The following PRUNE2 variants were observed in gnomAD, a reference collection of about 807,000 sequenced individuals.
PRUNE2 encodes prune homolog 2 with BCH domain.
PRUNE2 carries 164 observed loss-of-function variants against 252.0 expected under a neutral mutation model. The ratio of observed to expected loss-of-function variants is 0.65; its 90% CI spans 0.57 to 0.74. The LOEUF (loss-of-function observed/expected upper bound fraction) is 0.74, where lower values mean the gene tolerates loss of function less well. Ranked by LOEUF, PRUNE2 falls within the 30% of genes least tolerant of loss-of-function variation. The pLI, the probability that PRUNE2 is intolerant of heterozygous loss-of-function variation, is 0.00. For synonymous variants in PRUNE2, 1,292 were observed against 1,350.2 expected (o/e 0.96, Z 0.94); for missense variants, 3,495 against 3,711.0 (o/e 0.94, Z 1.51).
At chr9:76,819,115 G>C (rs1424859981) in intron 6 of PRUNE2, among the ~76,000 whole-genome samples, 1 of 152,068 alleles carries the variant, frequency 6.6e-6, no homozygotes, top group African/African-American at 2.4e-5. Context: ...GCTAGGTGTG[G>C]TGTGCACACC....
At chr9:76,886,480 C>A (rs985265994) in intron 1 of PRUNE2, among the ~76,000 whole-genome samples, 2 of 152,206 alleles carry the variant, frequency 1.3e-5, no homozygotes, top group East Asian at 3.9e-4. Context: ...CAGTAACCTG[C>A]ATAGCTTTAC....
intron 6 of PRUNE2, among the ~76,000 whole-genome samples, chr9:76,813,984 T>C (rs1259566662): frequency 1.3e-5 from 2 of 152,100 alleles, no homozygotes; most frequent in Non-Finnish European, 2.9e-5. Flanking sequence ...ACCTGGCTAA[T>C]TGTATTTTTA....
intron 4 of PRUNE2, among the ~76,000 whole-genome samples, chr9:76,829,865 T>C (rs992441751): frequency 2.6e-5 from 4 of 152,096 alleles, no homozygotes; most frequent in Non-Finnish European, 5.9e-5. Flanking sequence ...ACATTTTTCA[T>C]ATACACTATT....
chr9:76,817,482 G>A (rs1418319358), intron 6 of PRUNE2, among the ~76,000 whole-genome samples: 2 of 152,090 alleles, frequency 1.3e-5, no homozygotes, highest in African/African-American at 2.4e-5. Flanking sequence ...CCATGTGACT[G>A]AGCCAATGAA....
chr9:76,657,197 A>T (rs528040235), intron 9 of PRUNE2, among the ~76,000 whole-genome samples: 8 of 152,370 alleles, frequency 5.3e-5, no homozygotes, highest in African/African-American at 1.9e-4. Context: ...CGTACCTGTC[A>T]AGTAGCAAAA....
At chr9:76,879,413 A>G (rs144899536) in intron 1 of PRUNE2, among the ~76,000 whole-genome samples, 52 of 152,334 alleles carry the variant, frequency 3.4e-4, no homozygotes, top group African/African-American at 1.2e-3. Flanking sequence ...TTTACTCAAC[A>G]TCAGTGAACA....
At position 76,709,443 on chromosome 9, in the gene PRUNE2, T is replaced by C. The variant is rs200027117; in HGVS notation, c.2831A>G (p.Tyr944Cys). ...GGATGCACTGTAATCAGAACATTTGTAAGATAAGAAGGAATCTTCCCAAGG... is the reference window on the plus strand; with the variant it reads ...GGATGCACTGTAATCAGAACATTTGCAAGATAAGAAGGAATCTTCCCAAGG... ...LVPWEDSFLS[Y>C]KCSDYSASNL... is the part of the protein sequence containing the mutation. The change falls in exon 8 of 19, where the codon TAC (tyrosine) becomes TGC (cysteine). Residue 944 changes from tyrosine (Y) to cysteine (C), a missense_variant. Physicochemically the swap from Tyr to Cys is radical, Grantham distance 194. Coordinates refer to ENST00000376718, the MANE Select transcript of PRUNE2 (RefSeq NM_015225.3). 1 of 1,613,982 alleles carries C rather than the reference T, an allele frequency of 6.2e-7. No homozygotes were observed. The highest frequency in any genetic ancestry group is 1.3e-5 in the African/African-American group (1 of 75,064).
intron 5 of PRUNE2, among the ~76,000 whole-genome samples, chr9:76,826,240 G>A (rs574797573): frequency 5.3e-5 from 8 of 152,246 alleles, no homozygotes; most frequent in Non-Finnish European, 8.8e-5. Flanking sequence ...TTGGGAGGCC[G>A]ATGCAGGTGG....
Position 76,710,794 on chromosome 9 carries a change from A to C in PRUNE2, c.1480T>G (p.Phe494Val). ...GCCATGGGTGCTGGGTCAAAATTGA[A>C]GAGGTCGAAGTGCTCACCGTGTTCT... ...SGEHGEHFDL[F>V]NFDPAPMASG... The change falls in exon 8 of 19, where the codon TTC (phenylalanine) becomes GTC (valine). Residue 494 changes from phenylalanine to valine, a missense_variant. Coordinates refer to ENST00000376718, the MANE Select transcript of PRUNE2 (RefSeq NM_015225.3). The C allele has an allele frequency of 6.3e-7, 1 of 1,585,480 alleles. No individual in the cohort carries two copies. Among genetic ancestry groups the C allele is most frequent in the East Asian group, 2.2e-5 (1 of 44,716 alleles).
chr9:76,799,113 G>T (rs982475094), intron 6 of PRUNE2, among the ~76,000 whole-genome samples: 1 of 152,144 alleles, frequency 6.6e-6, no homozygotes, highest in Non-Finnish European at 1.5e-5. Flanking sequence ...GGCCGAGGTG[G>T]GTGAATCGCC....
chr9:76,726,934 T>C (rs1279628201), intron 6 of PRUNE2, among the ~76,000 whole-genome samples: 2 of 152,236 alleles, frequency 1.3e-5, no homozygotes, highest in Non-Finnish European at 1.5e-5. Flanking sequence ...AATTTAATTG[T>C]CATTATTTTA....
intron 17 of PRUNE2, among the ~76,000 whole-genome samples, chr9:76,623,586 T>C (rs1057217842): frequency 2.0e-5 from 3 of 152,142 alleles, no homozygotes; most frequent in African/African-American, 4.8e-5. Flanking sequence ...TGACTTTCTA[T>C]TGGTTGGGCT....
intron 1 of PRUNE2, among the ~76,000 whole-genome samples, chr9:76,878,756 A>G (rs2061599884): frequency 6.6e-6 from 1 of 151,418 alleles, no homozygotes; most frequent in Admixed American, 6.6e-5. Context: ...TGTCCTGACA[A>G]CCCCCACCTA....
intron 3 of PRUNE2, among the ~76,000 whole-genome samples, chr9:76,847,329 G>GAA (rs767360854): frequency 2.3e-5 from 3 of 128,748 alleles, no homozygotes; most frequent in Non-Finnish European, 3.3e-5. Context: ...CTGTCTCAGG[G>GAA]AAAAAAAAAA....
chr9:76,710,171 A>G lies in PRUNE2; in HGVS notation c.2103T>C (p.Ser701=), dbSNP rs1186209632. The change falls in exon 8 of 19, where the codon TCT becomes TCC. Residue 701 remains serine, a synonymous_variant. Coordinates refer to ENST00000376718, the MANE Select transcript of PRUNE2 (RefSeq NM_015225.3). ...PSSIDRRASD[S]VFQPKSLEFT... is the part of the protein sequence containing the mutation. ...ATTCGAGGCTCTTTGGTTGAAATAC[A>G]GAATCTGAGGCTCTCCTATCAATGG... 10 of 1,613,934 alleles carry G rather than the reference A, an allele frequency of 6.2e-6. No homozygotes were observed. The highest frequency in any genetic ancestry group is 7.6e-6 in the Non-Finnish European group (9 of 1,179,860).
At chr9:76,653,239 A>G (rs934706431) in intron 10 of PRUNE2, among the ~76,000 whole-genome samples, 1 of 152,202 alleles carries the variant, frequency 6.6e-6, no homozygotes, top group Admixed American at 6.5e-5. Context: ...GGTATACTGC[A>G]TAAGAAAAAT....
intron 6 of PRUNE2, 30 bp downstream of exon 6, chr9:76,823,602 T>C (rs758911430): frequency 3.2e-6 from 4 of 1,267,454 alleles, no homozygotes; most frequent in East Asian, 4.6e-5. Context: ...GGGAAATCAA[T>C]CAATGCTAAA....
At chr9:76,807,062 G>GCGCGCT (rs1491432345) in intron 6 of PRUNE2, among the ~76,000 whole-genome samples, 1 of 151,048 alleles carries the variant, frequency 6.6e-6, no homozygotes, top group Non-Finnish European at 1.5e-5. Context: ...GCGCGCGCGC[G>GCGCGCT]TGTGTCTGTC....
At chr9:76,888,999 C>A (rs1386742010) in intron 1 of PRUNE2, among the ~76,000 whole-genome samples, 1 of 152,074 alleles carries the variant, frequency 6.6e-6, no homozygotes, top group Non-Finnish European at 1.5e-5. Flanking sequence ...TGTGTCACCA[C>A]ACCCAGCTAG....
Sources: allele counts gnomAD v4.1 joint callset (sites outside exome capture counted in the v4.1 genomes callset), GRCh38; gene constraint gnomAD v4.1.1; transcripts MANE v1.5; gene names NCBI Gene and HGNC (gene_info 2026-07-23, HGNC 2026-07-21).